Variants in TENM4 observed in about 807,000 individuals in gnomAD.
The protein encoded by TENM4 is teneurin-4.
In TENM4, 82 loss-of-function variants were observed where a neutral mutation model predicts 243.3. The ratio of observed to expected loss-of-function variants is 0.34; its 90% CI spans 0.28 to 0.40. The LOEUF is 0.40. Ranked by LOEUF, TENM4 falls within the 10% of genes least tolerant of loss-of-function variation. TENM4 has a pLI of 1.00. For synonymous variants in TENM4, 1,412 were observed against 1,456.3 expected, an observed-to-expected ratio of 0.97 and a Z score of 0.69; for missense variants, 3,138 against 3,673.3, an observed-to-expected ratio of 0.85 and a Z score of 3.77.
At chr11:79,212,619 G>A (rs1379279424) in intron 3 of TENM4, among the ~76,000 whole-genome samples, 1 of 152,096 alleles carries the variant, frequency 6.6e-6, no homozygotes, top group African/African-American at 2.4e-5. Flanking sequence ...CTGCAGCTAC[G>A]GTGACTCACA....
intron 3 of TENM4, among the ~76,000 whole-genome samples, chr11:79,212,133 G>GC (rs1444574291): frequency 6.6e-6 from 1 of 152,196 alleles, no homozygotes; most frequent in African/African-American, 2.4e-5. Flanking sequence ...AGACCACCTT[G>GC]CAAGGTCTTG....
chr11:79,081,553 G>A (rs1860675033), intron 4 of TENM4, among the ~76,000 whole-genome samples: 1 of 151,910 alleles, frequency 6.6e-6, no homozygotes, highest in Non-Finnish European at 1.5e-5. Flanking sequence ...GTGTGTGTGT[G>A]TGTGTGTGCA....
At chr11:79,282,040 C>G (rs1310253236) in intron 2 of TENM4, among the ~76,000 whole-genome samples, 2 of 152,220 alleles carry the variant, frequency 1.3e-5, no homozygotes, top group Admixed American at 6.5e-5. Flanking sequence ...CACATTTCCT[C>G]TGACATTCCT....
At chr11:78,757,580 AG>A (rs1856340052) in intron 18 of TENM4, among the ~76,000 whole-genome samples, 1 of 152,256 alleles carries the variant, frequency 6.6e-6, no homozygotes, top group African/African-American at 2.4e-5. Context: ...GGCATCGCTG[AG>A]GTTGCACAGG....
intron 4 of TENM4, among the ~76,000 whole-genome samples, chr11:79,092,185 G>A (rs1417935610): frequency 2.0e-5 from 3 of 152,192 alleles, no homozygotes; most frequent in Admixed American, 6.5e-5. Flanking sequence ...CACTGGGGAT[G>A]CAGATGGGAT....
At chr11:79,000,230 C>G (rs915784974) in intron 6 of TENM4, among the ~76,000 whole-genome samples, 1 of 152,098 alleles carries the variant, frequency 6.6e-6, no homozygotes, top group Non-Finnish European at 1.5e-5. Flanking sequence ...AGGAGACCTG[C>G]CTCACATGTC....
chr11:79,210,029 A>T (rs1863927544), intron 3 of TENM4, among the ~76,000 whole-genome samples: 1 of 152,242 alleles, frequency 6.6e-6, no homozygotes. Flanking sequence ...ATGTTTATTT[A>T]TCCTTACTTA....
At chr11:78,912,291 G>A (rs924754631) in intron 6 of TENM4, among the ~76,000 whole-genome samples, 2 of 152,214 alleles carry the variant, frequency 1.3e-5, no homozygotes, top group African/African-American at 4.8e-5. Flanking sequence ...GTCTTGCTCT[G>A]TTGCCCAGGC....
At chr11:79,164,064 AGTGT>A (rs1862833312) in intron 3 of TENM4, among the ~76,000 whole-genome samples, 3 of 16,476 alleles carry the variant, frequency 1.8e-4, no homozygotes, top group Non-Finnish European at 4.5e-4. Flanking sequence ...ATGTATATAT[AGTGT>A]ATATATACAC....
At chr11:79,034,231 G>C (rs1263438383) in intron 6 of TENM4, among the ~76,000 whole-genome samples, 2 of 152,184 alleles carry the variant, frequency 1.3e-5, no homozygotes, top group African/African-American at 4.8e-5. Context: ...CTTTCATCAT[G>C]TATATGGAAA....
intron 1 of TENM4, among the ~76,000 whole-genome samples, chr11:79,400,024 C>T (rs927009875): frequency 1.8e-4 from 28 of 151,848 alleles, no homozygotes; most frequent in African/African-American, 6.5e-4. Flanking sequence ...TATCAAGTCT[C>T]TGCTAGAATA....
At chr11:79,339,548 A>G (rs943213814) in intron 1 of TENM4, among the ~76,000 whole-genome samples, 3 of 152,066 alleles carry the variant, frequency 2.0e-5, no homozygotes, top group African/African-American at 7.2e-5. Context: ...TACTATTACT[A>G]TGGAATCCTC....
chr11:79,369,454 G>T (rs1405188273), intron 1 of TENM4, among the ~76,000 whole-genome samples: 1 of 152,090 alleles, frequency 6.6e-6, no homozygotes, highest in Admixed American at 6.6e-5. Context: ...CCAGTGATAG[G>T]GTTCAAAGAA....
chr11:79,161,772 G>C (rs993980178), intron 3 of TENM4, among the ~76,000 whole-genome samples: 2 of 152,166 alleles, frequency 1.3e-5, no homozygotes, highest in African/African-American at 4.8e-5. Flanking sequence ...TTTATCTTGT[G>C]GTCAGTGGGG....
At chr11:79,015,957 G>A (rs1442785117) in intron 6 of TENM4, among the ~76,000 whole-genome samples, 2 of 152,140 alleles carry the variant, frequency 1.3e-5, no homozygotes, top group African/African-American at 2.4e-5. Flanking sequence ...GGGTGGAAGA[G>A]CATTCCAGGA....
At chr11:78,818,876 T>C (rs1005935408) in intron 12 of TENM4, among the ~76,000 whole-genome samples, 20 of 151,938 alleles carry the variant, frequency 1.3e-4, no homozygotes, top group Non-Finnish European at 2.8e-4. Context: ...CTATGAATAA[T>C]TGGTTTTCAT....
chr11:79,094,256 T>G (rs138118913), intron 4 of TENM4, among the ~76,000 whole-genome samples: 2 of 152,152 alleles, frequency 1.3e-5, no homozygotes, highest in Non-Finnish European at 2.9e-5. Context: ...ACTTCCTGAG[T>G]GCCTGTGATG....
chr11:79,117,155 C>T (rs989589682), intron 4 of TENM4, among the ~76,000 whole-genome samples: 8 of 152,264 alleles, frequency 5.3e-5, no homozygotes, highest in South Asian at 2.1e-4. Flanking sequence ...TTGTAATAAA[C>T]GCCTAACCCT....
chr11:79,115,800 T>A (rs550527086), intron 4 of TENM4, among the ~76,000 whole-genome samples: 10 of 152,174 alleles, frequency 6.6e-5, no homozygotes, highest in African/African-American at 2.4e-4. Flanking sequence ...CAGTAGCAAA[T>A]TCTGCTCTTC....
Sources: gnomAD v4.1 joint callset for allele counts (sites outside exome capture counted in the v4.1 genomes callset) on GRCh38, gnomAD v4.1.1 for gene constraint, MANE v1.5 for transcripts, NCBI Gene and HGNC (gene_info 2026-07-23, HGNC 2026-07-21) for gene names.